The following STX8 variants were observed in gnomAD, a reference collection of about 807,000 sequenced individuals.
STX8 encodes syntaxin-8.
Under a neutral mutation model 37.5 loss-of-function variants are expected in STX8, and 23 were observed. The ratio of observed to expected loss-of-function variants is 0.61; its 90% CI spans 0.44 to 0.87. The LOEUF (loss-of-function observed/expected upper bound fraction) is 0.87. STX8 is among the 40% of genes least tolerant of loss of function. The pLI, the probability that STX8 is intolerant of heterozygous loss-of-function variation, is 0.00. For synonymous variants in STX8, 115 were observed against 99.1 expected, an observed-to-expected ratio of 1.16 and a Z score of -0.95; for missense variants, 313 against 284.7, an observed-to-expected ratio of 1.10 and a Z score of -0.71.
At chr17:9,427,793 G>A (rs1280755116) in intron 6 of STX8, among the ~76,000 whole-genome samples, 1 of 152,172 alleles carries the variant, frequency 6.6e-6, no homozygotes, top group Non-Finnish European at 1.5e-5. Flanking sequence ...CTGTCCTGGA[G>A]AGAAAGCGCT....
intron 6 of STX8, among the ~76,000 whole-genome samples, chr17:9,471,029 TGC>T (rs1246245279): frequency 1.2e-4 from 15 of 123,164 alleles, no homozygotes; most frequent in African/African-American, 4.6e-4. Flanking sequence ...CACTGCATCC[TGC>T]TTTTTTTTTT....
chr17:9,433,146 C>G (rs755742797), intron 6 of STX8, among the ~76,000 whole-genome samples: 3 of 152,220 alleles, frequency 2.0e-5, no homozygotes, highest in Admixed American at 2.0e-4. Context: ...AAATCACCAT[C>G]GTCATAATGC....
intron 6 of STX8, among the ~76,000 whole-genome samples, chr17:9,436,724 C>T (rs1904445469): frequency 6.6e-6 from 1 of 152,124 alleles, no homozygotes; most frequent in Non-Finnish European, 1.5e-5. Flanking sequence ...TCAATGTGGC[C>T]CAGCTCTGGG....
At chr17:9,351,304 C>T (rs1006748023) in intron 7 of STX8, among the ~76,000 whole-genome samples, 15 of 150,698 alleles carry the variant, frequency 1.0e-4, no homozygotes, top group African/African-American at 2.7e-4. Context: ...ATTACAGGCG[C>T]GCACCACCAC....
At chr17:9,425,026 G>A (rs1210843976) in intron 6 of STX8, among the ~76,000 whole-genome samples, 3 of 152,226 alleles carry the variant, frequency 2.0e-5, no homozygotes, top group South Asian at 2.1e-4. Flanking sequence ...ATTCATGAAT[G>A]AGGCAGCACC....
intron 6 of STX8, among the ~76,000 whole-genome samples, chr17:9,452,971 A>G (rs1360106309): frequency 6.6e-6 from 1 of 151,948 alleles, no homozygotes; most frequent in Non-Finnish European, 1.5e-5. Flanking sequence ...ACGCCCAGCT[A>G]ATTTTTGTAT....
At chr17:9,414,917 A>C (rs1913129649) in intron 6 of STX8, among the ~76,000 whole-genome samples, 1 of 149,896 alleles carries the variant, frequency 6.7e-6, no homozygotes, top group Non-Finnish European at 1.5e-5. Context: ...CAGCCTCCCG[A>C]GTAGCTGGGA....
intron 7 of STX8, among the ~76,000 whole-genome samples, chr17:9,344,717 C>G (rs1172731532): frequency 6.6e-6 from 1 of 151,488 alleles, no homozygotes; most frequent in African/African-American, 2.4e-5. Context: ...CAGGTCATAA[C>G]ATCACTTTCC....
At chr17:9,269,453 T>C (rs1291648650) in intron 7 of STX8, among the ~76,000 whole-genome samples, 2 of 152,356 alleles carry the variant, frequency 1.3e-5, no homozygotes, top group East Asian at 3.9e-4. Flanking sequence ...ACCAGGGACG[T>C]GTGTATCACA....
At chr17:9,308,881 A>G (rs1313117211) in intron 7 of STX8, among the ~76,000 whole-genome samples, 1 of 152,152 alleles carries the variant, frequency 6.6e-6, no homozygotes, top group Non-Finnish European at 1.5e-5. Context: ...ATTTTGGGGT[A>G]TCGTTTGCAA....
At position 9,339,366 on chromosome 17, in the gene STX8, C is replaced by G. The variant is rs187953903; in HGVS notation, c.643+39186G>C. Among the ~76,000 whole-genome samples, 434 of 152,142 alleles carry G rather than the reference C, an allele frequency of 2.9e-3. 1 individual carries two copies. The highest frequency in any genetic ancestry group is 2.3e-3 in the Non-Finnish European group (159 of 67,994). On this transcript the variant is annotated intron_variant, in intron 7 of 7. Transcript: ENST00000306357. ...CTTAATTAACTCCAGTATAAAAGGACTCCTCAGGCCGGGTGCAGTGGCTCA... is the reference window on the plus strand; with the variant it reads ...CTTAATTAACTCCAGTATAAAAGGAGTCCTCAGGCCGGGTGCAGTGGCTCA...
intron 7 of STX8, among the ~76,000 whole-genome samples, chr17:9,296,388 C>T (rs1908541948): frequency 6.6e-6 from 1 of 151,684 alleles, no homozygotes; most frequent in South Asian, 2.1e-4. Context: ...ATCCCAGCTA[C>T]TTGGGAGGCT....
intron 6 of STX8, among the ~76,000 whole-genome samples, chr17:9,404,017 CAT>C (rs1912719311): frequency 7.3e-6 from 1 of 136,610 alleles, no homozygotes; most frequent in South Asian, 2.7e-4. Flanking sequence ...TTACTGATAA[CAT>C]AAACAGTCAA....
At chr17:9,427,904 T>C (rs1049326723) in intron 6 of STX8, among the ~76,000 whole-genome samples, 1 of 152,206 alleles carries the variant, frequency 6.6e-6, no homozygotes, top group African/African-American at 2.4e-5. Context: ...GTAACTCTAC[T>C]CCGGCAATTC....
At chr17:9,346,773 C>T (rs1202243006) in intron 7 of STX8, among the ~76,000 whole-genome samples, 1 of 151,508 alleles carries the variant, frequency 6.6e-6, no homozygotes, top group Non-Finnish European at 1.5e-5. Context: ...GTCTGATGTT[C>T]TTACCAGTTT....
chr17:9,441,672 C>CTTTTTTT (rs1161609414), intron 6 of STX8, among the ~76,000 whole-genome samples: 3 of 93,276 alleles, frequency 3.2e-5, no homozygotes, highest in African/African-American at 7.6e-5. Flanking sequence ...AGCACCATGG[C>CTTTTTTT]TTTTTTTTTT....
intron 7 of STX8, among the ~76,000 whole-genome samples, chr17:9,282,968 A>G (rs900493575): frequency 9.2e-5 from 14 of 151,878 alleles, no homozygotes; most frequent in African/African-American, 3.1e-4. Context: ...TAACAAGTAG[A>G]CATCTAAAGA....
chr17:9,510,268 C>A (rs1390037621), intron 4 of STX8, among the ~76,000 whole-genome samples: 1 of 152,022 alleles, frequency 6.6e-6, no homozygotes, highest in Non-Finnish European at 1.5e-5. Flanking sequence ...TAAACTACAC[C>A]ACAGAACAAA....
At chr17:9,535,424 C>CCTT (rs1905992804) in intron 4 of STX8, among the ~76,000 whole-genome samples, 1 of 51,550 alleles carries the variant, frequency 1.9e-5, no homozygotes, top group African/African-American at 7.4e-5. Flanking sequence ...AGCCATCCTA[C>CCTT]TTTTTTTTTT....
Sources: allele counts gnomAD v4.1 joint callset (sites outside exome capture counted in the v4.1 genomes callset), GRCh38; gene constraint gnomAD v4.1.1; transcripts MANE v1.5; gene names NCBI Gene and HGNC (gene_info 2026-07-23, HGNC 2026-07-21).